TYW1: variants seen among roughly 807,000 people sequenced by gnomAD.
The protein encoded by TYW1 is tRNA-yW synthesizing protein 1 homolog.
A neutral mutation model predicts 96.2 loss-of-function variants in TYW1; 46 were observed. The ratio of observed to expected loss-of-function variants is 0.48; its 90% confidence interval spans 0.38 to 0.61. The LOEUF is 0.61. Among genes scored for constraint, TYW1 ranks in the 20% least tolerant of loss-of-function variants. The pLI, the probability that TYW1 is intolerant of heterozygous loss-of-function variation, is 0.00. For synonymous variants in TYW1, 274 were observed against 323.0 expected (o/e 0.85, Z 1.63); for missense variants, 684 against 909.6 (o/e 0.75, Z 3.19).
At chr7:67,126,858 A>G (rs1276785364) in intron 13 of TYW1, among the ~76,000 whole-genome samples, 3 of 152,092 alleles carry the variant, frequency 2.0e-5, no homozygotes, top group African/African-American at 7.2e-5. Flanking sequence ...TATCACATAC[A>G]TTTCAGGGGA....
intron 15 of TYW1, among the ~76,000 whole-genome samples, chr7:67,229,584 A>G (rs540751255): frequency 6.6e-6 from 1 of 152,210 alleles, no homozygotes; most frequent in South Asian, 2.1e-4. Context: ...TAAGTTTTAG[A>G]TAAGTTAAAC....
At chr7:67,165,180 G>C (rs952069427) in intron 13 of TYW1, among the ~76,000 whole-genome samples, 2 of 152,108 alleles carry the variant, frequency 1.3e-5, no homozygotes, top group Non-Finnish European at 2.9e-5. Flanking sequence ...CCTCATTACT[G>C]CTTCAATTTG....
chr7:67,141,833 T>C (rs7797608), intron 13 of TYW1, among the ~76,000 whole-genome samples: 39,416 of 151,958 alleles, frequency 0.26, 5,571 homozygotes, highest in African/African-American at 0.38. Flanking sequence ...TTCAAGAGTT[T>C]GAGACCACCC....
chr7:67,207,244 G>A (rs1800832748), intron 15 of TYW1, among the ~76,000 whole-genome samples: 1 of 152,158 alleles, frequency 6.6e-6, no homozygotes, highest in South Asian at 2.1e-4. Flanking sequence ...GTACATATCA[G>A]ATTCTCCGTG....
At chr7:67,184,323 G>A (rs140820907) in intron 14 of TYW1, among the ~76,000 whole-genome samples, 348 of 152,156 alleles carry the variant, frequency 2.3e-3, no homozygotes, top group Non-Finnish European at 4.0e-3. Flanking sequence ...GTATCCTGTG[G>A]ATTGGTGCCT....
intron 13 of TYW1, among the ~76,000 whole-genome samples, chr7:67,144,201 A>T (rs1177989836): frequency 2.0e-5 from 3 of 152,234 alleles, no homozygotes; most frequent in Non-Finnish European, 4.4e-5. Flanking sequence ...TTGAGAAAGT[A>T]TCTTTTATGT....
intron 12 of TYW1, among the ~76,000 whole-genome samples, chr7:67,110,648 C>G (rs1201149263): frequency 6.6e-6 from 1 of 152,118 alleles, no homozygotes. Flanking sequence ...ACCAAAGTAA[C>G]CAACCAAACC....
At chr7:67,185,645 G>T in intron 14 of TYW1, among the ~76,000 whole-genome samples, 1 of 151,916 alleles carries the variant, frequency 6.6e-6, no homozygotes, top group Non-Finnish European at 1.5e-5. Flanking sequence ...CTCCCTGTTG[G>T]CAACATTAAA....
At chr7:67,097,323 G>A (rs985340029) in intron 11 of TYW1, among the ~76,000 whole-genome samples, 1 of 152,242 alleles carries the variant, frequency 6.6e-6, no homozygotes, top group African/African-American at 2.4e-5. Flanking sequence ...CATCTGAGAA[G>A]CTTTAACAAA....
In TYW1 at chr7:67,132,357, G is replaced by T. The variant is rs10242919; in HGVS notation, c.1698+14739G>T. On this transcript the variant is annotated intron_variant, in intron 13 of 15. Coordinates refer to ENST00000359626, the MANE Select transcript of TYW1 (RefSeq NM_018264.4). ...ACTCCTGGCGTCAAGTGATCCTCTC[G>T]CTTTGGCCTCCCAAAGTGCTGGGAT... is the stretch of plus-strand genomic sequence containing the variant. Among the ~76,000 whole-genome samples, 9 of 151,544 alleles carry T rather than the reference G, an allele frequency of 5.9e-5. No individual in the cohort carries two copies. The East Asian group carries it at 1.5e-3, about 26-fold the overall frequency.
intron 11 of TYW1, among the ~76,000 whole-genome samples, chr7:67,090,702 CTG>C (rs143608918): frequency 6.6e-6 from 1 of 151,162 alleles, no homozygotes; most frequent in South Asian, 2.1e-4. Context: ...GTATGTGTGC[CTG>C]TGTGTGTGTG....
At chr7:67,014,192 G>A (rs1288626404) in intron 4 of TYW1, among the ~76,000 whole-genome samples, 175 bp from the exon 5 acceptor site, 3 of 152,182 alleles carry the variant, frequency 2.0e-5, no homozygotes, top group Admixed American at 1.3e-4. Flanking sequence ...TTTCTCCCCC[G>A]TGCAAGCTGT....
At chr7:67,236,916 A>ACT (rs1801905965) in intron 15 of TYW1, among the ~76,000 whole-genome samples, 1 of 151,876 alleles carries the variant, frequency 6.6e-6, no homozygotes, top group Non-Finnish European at 1.5e-5. Context: ...ATGGAATTTC[A>ACT]CTCACGTCAC....
At chr7:67,099,066 C>A (rs1037825231) in intron 12 of TYW1, among the ~76,000 whole-genome samples, 5 of 151,204 alleles carry the variant, frequency 3.3e-5, no homozygotes, top group African/African-American at 1.2e-4. Flanking sequence ...CACTCTGTCT[C>A]CCCGGCTTGA....
At chr7:67,205,591 C>T (rs538434825) in intron 15 of TYW1, among the ~76,000 whole-genome samples, 78 of 151,818 alleles carry the variant, frequency 5.1e-4, no homozygotes, top group Non-Finnish European at 6.5e-4. Context: ...TCTCTGATAC[C>T]GCCCTGGTAG....
intron 11 of TYW1, among the ~76,000 whole-genome samples, chr7:67,091,261 T>G (rs529874077): frequency 0.23 from 33,642 of 146,660 alleles, 4,292 homozygotes; most frequent in African/African-American, 0.3. Context: ...CATGTTTTTT[T>G]TAGGGACATG....
chr7:67,094,959 G>C (rs1247830052), intron 11 of TYW1, among the ~76,000 whole-genome samples: 1 of 151,770 alleles, frequency 6.6e-6, no homozygotes, highest in Non-Finnish European at 1.5e-5. Context: ...GGTGGAGATT[G>C]CTGGTGGGGG....
intron 13 of TYW1, among the ~76,000 whole-genome samples, chr7:67,118,027 T>A (rs554838823): frequency 1.3e-5 from 2 of 152,100 alleles, no homozygotes; most frequent in Non-Finnish European, 2.9e-5. Context: ...CAAGTTTATA[T>A]AAAATCGCAT....
chr7:67,054,275 GT>G (rs11314135), intron 8 of TYW1, among the ~76,000 whole-genome samples: 95,708 of 151,958 alleles, frequency 0.63, 30,241 homozygotes, highest in Middle Eastern at 0.7. Flanking sequence ...GTAATGTACA[GT>G]TTTTTTTCTT....
Sources: allele counts gnomAD v4.1 joint callset (sites outside exome capture counted in the v4.1 genomes callset), GRCh38; gene constraint gnomAD v4.1.1; transcripts MANE v1.5; gene names NCBI Gene and HGNC (gene_info 2026-07-23, HGNC 2026-07-21).